USP47: variants seen among roughly 807,000 people sequenced by gnomAD.
The protein encoded by USP47 is ubiquitin carboxyl-terminal hydrolase 47.
USP47 carries 35 observed loss-of-function variants against 165.1 expected under a neutral mutation model. That is an observed-to-expected ratio of 0.21 (90% CI 0.16 to 0.28). The LOEUF (loss-of-function observed/expected upper bound fraction) is 0.28. USP47 is among the 10% of genes least tolerant of loss of function. USP47 has a pLI of 1.00. For missense variants in USP47, 1,277 were observed against 1,607.4 expected, an observed-to-expected ratio of 0.79 and a Z score of 3.52; for synonymous variants, 531 against 544.5, an observed-to-expected ratio of 0.98 and a Z score of 0.35.
chr11:11,859,434 T>C (rs1383422328), intron 1 of USP47, among the ~76,000 whole-genome samples: 2 of 152,140 alleles, frequency 1.3e-5, no homozygotes, highest in Non-Finnish European at 2.9e-5. Context: ...TTTCTGGTAT[T>C]TTTCTTCTTT....
At chr11:11,869,805 G>A (rs1353564194) in intron 1 of USP47, among the ~76,000 whole-genome samples, 2 of 152,178 alleles carry the variant, frequency 1.3e-5, no homozygotes, top group Non-Finnish European at 2.9e-5. Context: ...ATGGACAGGA[G>A]TGGGTTCATT....
intron 7 of USP47, among the ~76,000 whole-genome samples, 152 bp from the exon 8 acceptor site, chr11:11,905,244 TATA>T (rs1391789076): frequency 4.7e-5 from 7 of 150,526 alleles, no homozygotes; most frequent in Non-Finnish European, 8.9e-5. Flanking sequence ...TTACATAATA[TATA>T]ATAATAAATA....
At chr11:11,863,654 A>G (rs1849505064) in intron 1 of USP47, among the ~76,000 whole-genome samples, 1 of 152,154 alleles carries the variant, frequency 6.6e-6, no homozygotes, top group Admixed American at 6.5e-5. Flanking sequence ...GGACATCTTT[A>G]TTTAAATTTT....
rs902792229 is a variant in USP47, at chr11:11,905,630, G to C, written c.969+82G>C. The C allele has an allele frequency of 5.2e-5, 69 of 1,330,004 alleles. No individual in the cohort carries two copies. In the African/African-American group the frequency reaches 8.9e-4, roughly 17 times the overall value. 82.4% of individuals were successfully genotyped at this position (1,330,004 alleles called of 1,614,324 possible). The stretch of plus-strand genomic sequence containing the variant: ...AGTGGTATAATCTCTTGTAAGGTAA[G>C]TATCATCCTAGATACACCTTCTTGG... On this transcript the variant is annotated intron_variant, in intron 8 of 27. Coordinates refer to ENST00000527733, the MANE Select transcript of USP47 (RefSeq NM_001282659.2).
rs983062878 is a variant in USP47 at position 11,959,447 on chromosome 11, G to C, written c.*3272G>C. The C allele has an allele frequency of 6.6e-6, 1 of 152,144 alleles. No individual in the cohort carries two copies. Among genetic ancestry groups the C allele is most frequent in the South Asian group, 2.1e-4 (1 of 4,830 alleles). The allele number at this position is 152,144 out of a possible 1,614,324, so 9.4% of individuals were successfully genotyped here. Reference sequence around the variant, plus strand: ...GTGCGATTTACCAGGGAGATAGTAGGACAGTTTTTATGAGGGTTTCAAAGG... The same window carrying C: ...GTGCGATTTACCAGGGAGATAGTAGCACAGTTTTTATGAGGGTTTCAAAGG... On this transcript the variant is annotated 3_prime_UTR_variant, in exon 28 of 28. Transcript: ENST00000527733.
intron 4 of USP47, among the ~76,000 whole-genome samples, chr11:11,895,879 G>A (rs1313460222): frequency 6.6e-6 from 1 of 152,058 alleles, no homozygotes; most frequent in Non-Finnish European, 1.5e-5. Context: ...GCCCTCTACT[G>A]GATGGTATAT....
At chr11:11,927,906 A>G (rs1395437370) in intron 11 of USP47, among the ~76,000 whole-genome samples, 5 of 152,012 alleles carry the variant, frequency 3.3e-5, no homozygotes, top group Non-Finnish European at 7.4e-5. Context: ...AAATTATTGC[A>G]ATTGGGAACC....
intron 1 of USP47, among the ~76,000 whole-genome samples, chr11:11,855,254 T>G (rs140279570): frequency 2.0e-5 from 3 of 152,342 alleles, no homozygotes; most frequent in African/African-American, 7.2e-5. Context: ...TCTTGTTTAT[T>G]AGGATTCAGT....
intron 19 of USP47, among the ~76,000 whole-genome samples, 190 bp from the exon 20 acceptor site, chr11:11,942,145 G>C (rs574338987): frequency 6.6e-6 from 1 of 152,040 alleles, no homozygotes; most frequent in Admixed American, 6.6e-5. Flanking sequence ...TTTATGGCTA[G>C]TTACAAAGAC....
intron 8 of USP47, among the ~76,000 whole-genome samples, chr11:11,908,082 T>A (rs1266344940): frequency 6.9e-6 from 1 of 144,336 alleles, no homozygotes; most frequent in Non-Finnish European, 1.6e-5. Flanking sequence ...AGCATGACTC[T>A]GTCTCAAAAA....
Position 11,920,156 on chromosome 11 carries a change from G to T in USP47, c.970G>T (p.Glu324Ter). 6.4e-7 allele frequency: 1 copy of T among 1,569,848 alleles called. No homozygotes were observed. The highest frequency in any genetic ancestry group is 8.6e-7 in the Non-Finnish European group (1 of 1,160,762). The change falls in exon 9 of 28, where the codon GAA becomes TAA. Residue 324 changes from glutamate (E) to a stop codon, truncating the protein, a stop_gained and splice_region_variant. Coordinates refer to ENST00000527733, the MANE Select transcript of USP47 (RefSeq NM_001282659.2). LOFTEE classifies it high-confidence loss of function. Reference protein sequence around the residue: ...YGSSQAFASVEEALHAFIQPE... With the variant: ...YGSSQAFASV ...ATAAAACAAATTTTTTTCTAACTAG[G>T]AAGAAGCATTGCATGCATTTATTCA...
chr11:11,886,346 C>T (rs775403458), intron 3 of USP47, among the ~76,000 whole-genome samples: 9 of 152,148 alleles, frequency 5.9e-5, no homozygotes, highest in Non-Finnish European at 8.8e-5. Context: ...AGCTAAGAAT[C>T]GTGATAATAC....
intron 1 of USP47, among the ~76,000 whole-genome samples, chr11:11,848,576 T>G (rs1326807673): frequency 6.6e-6 from 1 of 152,156 alleles, no homozygotes; most frequent in Non-Finnish European, 1.5e-5. Context: ...AACTCATTCT[T>G]TTGATACTTA....
intron 7 of USP47, among the ~76,000 whole-genome samples, chr11:11,903,966 G>A (rs947579055): frequency 6.6e-6 from 1 of 152,090 alleles, no homozygotes; most frequent in Non-Finnish European, 1.5e-5. Flanking sequence ...AGCTAGAAGG[G>A]TCTGATATCT....
chr11:11,877,744 T>G (rs1850527703), intron 1 of USP47, among the ~76,000 whole-genome samples: 1 of 151,958 alleles, frequency 6.6e-6, no homozygotes, highest in Non-Finnish European at 1.5e-5. Context: ...TGTTTGTGAT[T>G]ATGTAGCATG....
At chr11:11,918,460 C>T (rs2134580084) in intron 8 of USP47, among the ~76,000 whole-genome samples, 1 of 151,960 alleles carries the variant, frequency 6.6e-6, no homozygotes, top group South Asian at 2.1e-4. Flanking sequence ...ATTAAATTTT[C>T]CAGAGTTTGA....
At chr11:11,948,661 C>T (rs534753285) in intron 22 of USP47, 103 bp downstream of exon 22, 3 of 1,164,488 alleles carry the variant, frequency 2.6e-6, no homozygotes, top group African/African-American at 3.1e-5. Context: ...AAGCAAAGGT[C>T]AGCAAATTTT....
At chr11:11,854,404 C>G (rs952614924) in intron 1 of USP47, among the ~76,000 whole-genome samples, 2 of 146,904 alleles carry the variant, frequency 1.4e-5, no homozygotes, top group Non-Finnish European at 3.0e-5. Context: ...CTGTCAGTAC[C>G]TTAGTTAATT....
chr11:11,844,609 A>G (rs1034886036), intron 1 of USP47, among the ~76,000 whole-genome samples: 3 of 152,202 alleles, frequency 2.0e-5, no homozygotes, highest in Non-Finnish European at 4.4e-5. Context: ...CATGTAATTT[A>G]GAGGCTCTGT....
Sources: allele counts gnomAD v4.1 joint callset (sites outside exome capture counted in the v4.1 genomes callset), GRCh38; gene constraint gnomAD v4.1.1; transcripts MANE v1.5; gene names NCBI Gene and HGNC (gene_info 2026-07-23, HGNC 2026-07-21).